Variants in ERAP1 observed in about 807,000 individuals in gnomAD.
ERAP1 encodes endoplasmic reticulum aminopeptidase 1, also known as adipocyte-derived leucine aminopeptidase.
In ERAP1, 86 loss-of-function variants were observed where a neutral mutation model predicts 103.7. The observed-to-expected ratio is 0.83, with a 90% CI of 0.70 to 0.99. The LOEUF (loss-of-function observed/expected upper bound fraction) is 0.99. ERAP1 is among the 50% of genes least tolerant of loss of function. The pLI is 0.00. For missense variants in ERAP1, 1,009 were observed against 1,128.4 expected, an observed-to-expected ratio of 0.89 and a Z score of 1.52; for synonymous variants, 398 against 402.4, an observed-to-expected ratio of 0.99 and a Z score of 0.13.
rs879016980 is a variant in ERAP1 at position 96,762,526 on chromosome 5, C to A, written c.*674G>T. On this transcript the variant is annotated 3_prime_UTR_variant, in exon 20 of 20. Transcript: ENST00000296754. ...AGAAGAGCCGAGACTGATGATTTAGCGAGATGGCAGAGATTAACTTTGAAA... is the reference window on the plus strand; with the variant it reads ...AGAAGAGCCGAGACTGATGATTTAGAGAGATGGCAGAGATTAACTTTGAAA... 12 of 522,574 alleles carry A rather than the reference C, an allele frequency of 2.3e-5. No homozygotes were observed. The South Asian group carries it at 3.2e-4, about 14-fold the overall frequency. 32.4% of individuals were successfully genotyped at this position (522,574 alleles called of 1,614,324 possible). A position where few individuals can be genotyped will look rare whatever the true frequency, so the allele number is the denominator to read the frequency against.
the ERAP1 span, chr5:96,896,601 C>T: frequency 1.4e-6 from 2 of 1,473,916 alleles, no homozygotes; most frequent in South Asian, 2.6e-5. Flanking sequence ...GTTCCTGCTA[C>T]TTGTTTCACT....
At chr5:96,828,917 G>C in the ERAP1 span, among the ~76,000 whole-genome samples, 7 of 152,174 alleles carry the variant, frequency 4.6e-5, no homozygotes, top group East Asian at 1.3e-3. Flanking sequence ...CACAATCTCG[G>C]CTCATTGCAA....
At position 96,803,941 on chromosome 5, in the gene ERAP1, T is replaced by C. The variant is rs749175337; in HGVS notation, c.-15A>G. On this transcript the variant is annotated splice_region_variant and 5_prime_UTR_variant, in exon 2 of 19. Coordinates refer to ENST00000443439, the MANE Select transcript of ERAP1 (RefSeq NM_001040458.3). ...AGAAACACCATCTTCTTGCTCTACC[T>C]ACCTAGCGGCACAAATGTACAAAAG... The C allele has an allele frequency of 6.2e-7, 1 of 1,603,186 alleles. No individual in the cohort carries two copies. Among genetic ancestry groups the C allele is most frequent in the Non-Finnish European group, 8.5e-7 (1 of 1,179,980 alleles).
the ERAP1 span, chr5:96,881,114 A>G: frequency 3.5e-6 from 1 of 285,594 alleles, no homozygotes; most frequent in Non-Finnish European, 6.9e-6. Flanking sequence ...GGATCAGATC[A>G]TGTGGAGCCT....
At chr5:96,916,578 C>T in the ERAP1 span, among the ~76,000 whole-genome samples, 1 of 150,898 alleles carries the variant, frequency 6.6e-6, no homozygotes, top group South Asian at 2.1e-4. Flanking sequence ...ATTCTCCTGC[C>T]TCAGCCTCCC....
At chr5:96,813,435 A>G in the ERAP1 span, among the ~76,000 whole-genome samples, 2 of 152,094 alleles carry the variant, frequency 1.3e-5, no homozygotes, top group African/African-American at 4.8e-5. Context: ...CAGGAAGATC[A>G]TGAGGGCAGG....
chr5:96,776,879 G>A (rs531726129), intron 18 of ERAP1: 6 of 244,712 alleles, frequency 2.5e-5, no homozygotes, highest in South Asian at 6.1e-5. Context: ...TGCAAACTTC[G>A]TTTTTTAAAA....
At chr5:96,771,949 C>T (rs551306535), downstream of ERAP1, 5 of 312,954 alleles carry the variant, frequency 1.6e-5, no homozygotes, top group Middle Eastern at 8.6e-4. Flanking sequence ...AAATATTAGG[C>T]CAGGCACTTA....
At chr5:96,800,609 T>C (rs967494797) in intron 3 of ERAP1, among the ~76,000 whole-genome samples, 19 of 152,222 alleles carry the variant, frequency 1.2e-4, no homozygotes, top group African/African-American at 4.1e-4. Flanking sequence ...CTTATACCAC[T>C]TCCCTCCTAT....
the ERAP1 span, chr5:96,880,195 C>A: frequency 6.2e-7 from 1 of 1,613,988 alleles, no homozygotes; most frequent in East Asian, 2.2e-5. Context: ...ACTTCCAAGC[C>A]AAGTTAGGTG....
chr5:96,771,501 G>T, downstream of ERAP1: 2 of 579,928 alleles, frequency 3.4e-6, no homozygotes, highest in Non-Finnish European at 6.1e-6. Flanking sequence ...CAATATTGTG[G>T]CCAGATGAAG....
the ERAP1 span, among the ~76,000 whole-genome samples, chr5:96,821,454 C>T: frequency 6.6e-6 from 1 of 152,202 alleles, no homozygotes; most frequent in Middle Eastern, 3.4e-3. Flanking sequence ...TTTTTGGTTT[C>T]CTTCCTGTGG....
the ERAP1 span, among the ~76,000 whole-genome samples, chr5:96,815,066 T>G: frequency 6.6e-6 from 1 of 152,226 alleles, no homozygotes; most frequent in African/African-American, 2.4e-5. Context: ...TTTTATTACC[T>G]AACTCCCTGT....
the ERAP1 span, among the ~76,000 whole-genome samples, chr5:96,829,813 T>C: frequency 2.6e-5 from 4 of 152,306 alleles, no homozygotes; most frequent in East Asian, 1.9e-4. Flanking sequence ...AAAGTAAATA[T>C]CTCTCATCAA....
At chr5:96,929,617 G>A in the ERAP1 span, among the ~76,000 whole-genome samples, 4 of 151,938 alleles carry the variant, frequency 2.6e-5, no homozygotes, top group African/African-American at 9.7e-5. Flanking sequence ...TGATTCTCTT[G>A]CCTCACCCTC....
chr5:96,886,078 A>G, the ERAP1 span, among the ~76,000 whole-genome samples: 1 of 152,262 alleles, frequency 6.6e-6, no homozygotes, highest in Admixed American at 6.5e-5. Flanking sequence ...GGTCACATCC[A>G]CATCTTGGTC....
At chr5:96,863,273 G>A in the ERAP1 span, among the ~76,000 whole-genome samples, 46 of 152,098 alleles carry the variant, frequency 3.0e-4, no homozygotes, top group African/African-American at 1.1e-3. Flanking sequence ...GTCAGCTGCA[G>A]AGCCTCTACA....
chr5:96,900,099 C>G, the ERAP1 span: 5 of 1,613,454 alleles, frequency 3.1e-6, no homozygotes, highest in Non-Finnish European at 3.4e-6. Flanking sequence ...CATTGCAGTG[C>G]TCTTTTGTTC....
the ERAP1 span, among the ~76,000 whole-genome samples, chr5:96,869,684 C>G: frequency 0.088 from 13,348 of 152,194 alleles, 686 homozygotes; most frequent in Middle Eastern, 0.15. Context: ...ATTAGGGAAG[C>G]CTAAACATAA....
Sources: gnomAD v4.1 joint callset for allele counts (sites outside exome capture counted in the v4.1 genomes callset) on GRCh38, gnomAD v4.1.1 for gene constraint, MANE v1.5 for transcripts, NCBI Gene and HGNC (gene_info 2026-07-23, HGNC 2026-07-21) for gene names.